The following RALGAPA2 variants were observed in gnomAD, a reference collection of about 807,000 sequenced individuals.
RALGAPA2 encodes the protein ral GTPase-activating protein subunit alpha-2.
Under a neutral mutation model 230.4 loss-of-function variants are expected in RALGAPA2, and 139 were observed. That is an observed-to-expected ratio of 0.60 (90% CI 0.53 to 0.69). The LOEUF (loss-of-function observed/expected upper bound fraction) is 0.69, where lower values mean the gene tolerates loss of function less well. Ranked by LOEUF, RALGAPA2 falls within the 30% of genes least tolerant of loss-of-function variation. The pLI is 0.00. For synonymous variants in RALGAPA2, 847 were observed against 837.8 expected (o/e 1.01, Z -0.19); for missense variants, 2,163 against 2,276.0 (o/e 0.95, Z 1.01).
At chr20:20,659,919 T>C in intron 3 of RALGAPA2, 1 of 390,860 alleles carries the variant, frequency 2.6e-6, no homozygotes, top group South Asian at 2.3e-5. Flanking sequence ...CCCCTAGCCA[T>C]CTCACCAGCT....
intron 16 of RALGAPA2, among the ~76,000 whole-genome samples, chr20:20,595,032 T>C (rs1377868017): frequency 1.3e-5 from 2 of 152,212 alleles, no homozygotes; most frequent in African/African-American, 4.8e-5. Flanking sequence ...ACTATTACTT[T>C]CTAAAGCTCC....
chr20:20,397,187 T>C (rs1012627911), intron 38 of RALGAPA2, among the ~76,000 whole-genome samples: 1 of 152,208 alleles, frequency 6.6e-6, no homozygotes, highest in Non-Finnish European at 1.5e-5. Context: ...GTGGGCAAGT[T>C]TACATGTCTC....
chr20:20,639,797 A>G lies in RALGAPA2; in HGVS notation c.654T>C (p.Tyr218=), dbSNP rs1568687436. 1.2e-6 allele frequency: 2 copies of G among 1,605,200 alleles called. No individual in the cohort carries two copies. Among genetic ancestry groups the G allele is most frequent in the Non-Finnish European group, 1.7e-6 (2 of 1,171,906 alleles). The change falls in exon 7 of 40, where the codon TAT becomes TAC. Residue 218 remains tyrosine, a synonymous_variant. Coordinates refer to ENST00000202677, the MANE Select transcript of RALGAPA2 (RefSeq NM_020343.4). ...TCFFLQILLK[Y]MVIQAASLEW... ...ATTTTTCTCTGACCTGAATAACCAT[A>G]TACTTCAACAGTATTTGAAGAAAAA...
intron 16 of RALGAPA2, among the ~76,000 whole-genome samples, chr20:20,598,291 A>AT (rs1017488529): frequency 9.2e-5 from 14 of 152,210 alleles, no homozygotes; most frequent in Non-Finnish European, 1.9e-4. Flanking sequence ...TAGTTTATTC[A>AT]TTTTTTGGAA....
At chr20:20,435,143 A>ACTGCAGACCCTTAC (rs2060582000) in intron 37 of RALGAPA2, among the ~76,000 whole-genome samples, 1 of 152,234 alleles carries the variant, frequency 6.6e-6, no homozygotes, top group Non-Finnish European at 1.5e-5. Context: ...AGTGGTGGAT[A>ACTGCAGACCCTTAC]CTGCAGACCC....
intron 3 of RALGAPA2, among the ~76,000 whole-genome samples, chr20:20,667,238 T>C (rs778430291): frequency 1.7e-4 from 26 of 152,140 alleles, no homozygotes; most frequent in Non-Finnish European, 3.5e-4. Flanking sequence ...AAAATTCTTT[T>C]CCCCTACTCT....
At chr20:20,447,800 T>C (rs1249423310) in intron 37 of RALGAPA2, among the ~76,000 whole-genome samples, 1 of 152,156 alleles carries the variant, frequency 6.6e-6, no homozygotes, top group Non-Finnish European at 1.5e-5. Flanking sequence ...GGACAGTCTC[T>C]TGCCTACTGG....
Position 20,398,851 on chromosome 20 carries a change from A to T in RALGAPA2, c.5618-2117T>A, listed in dbSNP as rs2059772604. On this transcript the variant is annotated intron_variant, in intron 38 of 39. Transcript: ENST00000202677. This position sits in a 1 kb window ranked among gnomAD's most constrained non-coding sequence, Gnocchi z 4.5. The stretch of plus-strand genomic sequence containing the variant: ...AACCGCTGCCTCCAGGGGATCTGGG[A>T]GAAAAGTTACAGCATGCAGTCTAAT... 6.6e-6 allele frequency among the ~76,000 whole-genome samples: 1 copy of T among 152,210 alleles called. No homozygotes were observed. The highest frequency in any genetic ancestry group is 1.9e-4 in the East Asian group (1 of 5,196).
At chr20:20,645,317 T>C (rs2067175098) in intron 4 of RALGAPA2, among the ~76,000 whole-genome samples, 1 of 151,992 alleles carries the variant, frequency 6.6e-6, no homozygotes, top group African/African-American at 2.4e-5. Flanking sequence ...TTTCACCGTG[T>C]TAGCCAGGCT....
intron 23 of RALGAPA2, among the ~76,000 whole-genome samples, chr20:20,565,713 G>C (rs889177889): frequency 6.6e-6 from 1 of 152,100 alleles, no homozygotes; most frequent in Non-Finnish European, 1.5e-5. Context: ...GTTCCTACAA[G>C]CTAAATATTA....
At chr20:20,515,922 A>G (rs1781089240) in intron 31 of RALGAPA2, among the ~76,000 whole-genome samples, 1 of 152,180 alleles carries the variant, frequency 6.6e-6, no homozygotes, top group African/African-American at 2.4e-5. Context: ...CCCGAAAGCC[A>G]GGTGGGAAAG....
chr20:20,663,544 C>T (rs938898289), intron 3 of RALGAPA2, among the ~76,000 whole-genome samples: 16 of 152,262 alleles, frequency 1.1e-4, no homozygotes, highest in African/African-American at 3.6e-4. Flanking sequence ...TTCTCTTTGG[C>T]ATATCTGATT....
intron 3 of RALGAPA2, among the ~76,000 whole-genome samples, chr20:20,659,438 A>G (rs1280510738): frequency 6.6e-6 from 1 of 152,244 alleles, no homozygotes; most frequent in African/African-American, 2.4e-5. Flanking sequence ...AAGTTAAAAG[A>G]AAGTTATTCT....
rs771331234 is a variant in RALGAPA2, at chr20:20,571,473, T to C, written c.3141A>G (p.Leu1047=). The stretch of plus-strand genomic sequence containing the variant: ...CGCAGAATACCTGATCCTCGCTGGT[T>C]AATCCCAGGTGCATCACAAGGTAAA... ...VHFYLVMHLG[L]TSEDQDILNT... Residue 1047 remains leucine, a synonymous_variant, in exon 23 of 40, where the codon TTA becomes TTG. Coordinates refer to ENST00000202677, the MANE Select transcript of RALGAPA2 (RefSeq NM_020343.4). 1 of 1,612,310 alleles carries C rather than the reference T, an allele frequency of 6.2e-7. No homozygotes were observed. The highest frequency in any genetic ancestry group is 1.7e-5 in the Admixed American group (1 of 59,830).
At position 20,572,947 on chromosome 20, in the gene RALGAPA2, A is replaced by T; in HGVS notation, c.2829T>A (p.Asn943Lys). 1.3e-6 allele frequency: 2 copies of T among 1,585,924 alleles called. No homozygotes were observed. The highest frequency in any genetic ancestry group is 1.2e-5 in the South Asian group (1 of 86,876). ...CATGGATCTTGGGTGACTGGATGTT[A>T]TTCACATCTCCGAGGATCCCCAAGA... ...RRVLGILGDV[N>K]NIQSPKIHAR... The change falls in exon 21 of 40, where the codon AAT (asparagine) becomes AAA (lysine). Residue 943 changes from asparagine (N) to lysine (K), a missense_variant. Physicochemically the swap from Asn to Lys is moderately conservative, Grantham distance 94. Coordinates refer to ENST00000202677, the MANE Select transcript of RALGAPA2 (RefSeq NM_020343.4).
chr20:20,486,888 C>T (rs1375967800), intron 36 of RALGAPA2, among the ~76,000 whole-genome samples: 1 of 152,176 alleles, frequency 6.6e-6, no homozygotes, highest in African/African-American at 2.4e-5. Flanking sequence ...TTGTTTCTGT[C>T]ATAGGGTTTT....
chr20:20,532,428 C>G (rs1164088349), intron 26 of RALGAPA2, among the ~76,000 whole-genome samples: 2 of 152,070 alleles, frequency 1.3e-5, no homozygotes, highest in African/African-American at 4.8e-5. Flanking sequence ...ATTGCCAAGA[C>G]TTGATGGTTT....
At position 20,640,725 on chromosome 20, in the gene RALGAPA2, T is replaced by A; in HGVS notation, c.526A>T (p.Asn176Tyr). ...RGPCTLETLI[N>Y]PSPSVADVKI... is the part of the protein sequence containing the mutation. ...CCATCAGCTACACTAGGGCTGGGAT[T>A]GATGAGTGTCTCCAGTGTGCAAGGG... The change falls in exon 6 of 40, where the codon AAT becomes TAT. Residue 176 changes from asparagine (N) to tyrosine (Y), a missense_variant. By Grantham distance (143) the Asn-to-Tyr change is moderately radical. Coordinates refer to ENST00000202677, the MANE Select transcript of RALGAPA2 (RefSeq NM_020343.4). 6.2e-7 allele frequency: 1 copy of A among 1,613,764 alleles called. No homozygotes were observed. The highest frequency in any genetic ancestry group is 1.1e-5 in the South Asian group (1 of 91,064).
rs1361324444 is a variant in RALGAPA2 at position 20,392,489 on chromosome 20, C to T, written c.*800G>A. On this transcript the variant is annotated 3_prime_UTR_variant, in exon 40 of 40. Coordinates refer to ENST00000202677, the MANE Select transcript of RALGAPA2 (RefSeq NM_020343.4). ...TGTTGTTTTGAGCCTTGGGACACTT[C>T]CTGTCCTGCAGGAACTTATGCAAGG... 2 of 152,782 alleles carry T rather than the reference C, an allele frequency of 1.3e-5. No homozygotes were observed. Among genetic ancestry groups the T allele is most frequent in the Non-Finnish European group, 2.9e-5 (2 of 68,466 alleles). The allele number at this position is 152,782 out of a possible 1,614,324, so 9.5% of individuals were successfully genotyped here.
Sources: allele counts gnomAD v4.1 joint callset (sites outside exome capture counted in the v4.1 genomes callset), GRCh38; gene constraint gnomAD v4.1.1; non-coding constraint Gnocchi (gnomAD v3.1); transcripts MANE v1.5; gene names NCBI Gene and HGNC (gene_info 2026-07-23, HGNC 2026-07-21).